ALG13: variants seen among roughly 807,000 people sequenced by gnomAD.
The protein encoded by ALG13 is UDP-N-acetylglucosamine transferase subunit ALG13.
Under a neutral mutation model 87.8 loss-of-function variants are expected in ALG13, and 11 were observed. The ratio of observed to expected loss-of-function variants is 0.13; its 90% CI spans 0.08 to 0.21. The LOEUF (loss-of-function observed/expected upper bound fraction) is 0.21. Ranked by LOEUF, ALG13 falls within the 10% of genes least tolerant of loss-of-function variation. ALG13 has a pLI of 1.00. For synonymous variants in ALG13, 320 were observed against 306.3 expected, an observed-to-expected ratio of 1.04 and a Z score of -0.47; for missense variants, 756 against 866.1, an observed-to-expected ratio of 0.87 and a Z score of 1.60.
chrX:111,751,482 C>T (rs886954340), intron 24 of ALG13, among the ~76,000 whole-genome samples: 1 of 111,843 alleles, frequency 8.9e-6, no homozygotes, highest in African/African-American at 3.2e-5. Flanking sequence ...ATGATATCTC[C>T]AAAGTATGTC....
intron 10 of ALG13, 143 bp downstream of exon 10, chrX:111,718,417 G>T (rs893328874): frequency 1.9e-6 from 1 of 513,255 alleles, no homozygotes; most frequent in South Asian, 4.5e-5. Context: ...TATTTTTAAT[G>T]GGGGGAGAGT....
chrX:111,728,086 G>A (rs1354734193), intron 18 of ALG13, 99 bp from the exon 19 acceptor site: 18 of 1,064,574 alleles, frequency 1.7e-5, no homozygotes, highest in Non-Finnish European at 2.1e-5. Flanking sequence ...AGTTCACATT[G>A]TTAGGCTAGT....
chrX:111,695,201 G>T (rs1355688553), intron 3 of ALG13, among the ~76,000 whole-genome samples: 1 of 111,448 alleles, frequency 9.0e-6, no homozygotes, highest in Non-Finnish European at 1.9e-5. Flanking sequence ...TCTCTAGACT[G>T]ATCAGACACT....
chrX:111,728,122 C>G, intron 18 of ALG13, 63 bp from the exon 19 acceptor site: 1 of 1,200,998 alleles, frequency 8.3e-7, no homozygotes, highest in Non-Finnish European at 1.1e-6. Context: ...TAAAACATCC[C>G]TCTAGCTTTT....
intron 3 of ALG13, among the ~76,000 whole-genome samples, chrX:111,692,310 T>G (rs910952252): frequency 8.9e-6 from 1 of 112,024 alleles, no homozygotes; most frequent in Non-Finnish European, 1.9e-5. Context: ...AGAATCTACC[T>G]TTTGTATCAG....
At chrX:111,702,611 C>A (rs1199055594) in intron 3 of ALG13, among the ~76,000 whole-genome samples, 1 of 110,978 alleles carries the variant, frequency 9.0e-6, no homozygotes, top group East Asian at 2.8e-4. Context: ...CACTGGAGTT[C>A]TCTGTCCTAT....
chrX:111,695,072 TACTC>T (rs1049069929), intron 3 of ALG13, among the ~76,000 whole-genome samples: 3 of 112,262 alleles, frequency 2.7e-5, no homozygotes, highest in African/African-American at 9.7e-5. Flanking sequence ...TTTAAACTCA[TACTC>T]AGTTTCTAAT....
At chrX:111,719,881 C>T (rs1941190677) in intron 10 of ALG13, among the ~76,000 whole-genome samples, 1 of 111,848 alleles carries the variant, frequency 8.9e-6, no homozygotes, top group Non-Finnish European at 1.9e-5. Flanking sequence ...TGTGTTCTCA[C>T]AGGAGTTGTA....
rs192569235 is a variant in ALG13 at position 111,756,344 on chromosome X, G to A, written c.2974-1244G>A. Among the ~76,000 whole-genome samples, 17 of 111,401 alleles carry A rather than the reference G, an allele frequency of 1.5e-4. No individual in the cohort carries two copies. The East Asian group carries it at 4.8e-3, about 32-fold the overall frequency. ...ATTGATGGGTGTAGAAAACCACCATGGCACATGTATACCCATGTAACAAAC... is the reference window on the plus strand; with the variant it reads ...ATTGATGGGTGTAGAAAACCACCATAGCACATGTATACCCATGTAACAAAC... On this transcript the variant is annotated intron_variant, in intron 25 of 26. Coordinates refer to ENST00000394780, the MANE Select transcript of ALG13 (RefSeq NM_001099922.3).
intron 3 of ALG13, among the ~76,000 whole-genome samples, chrX:111,704,634 A>C (rs993485443): frequency 8.9e-6 from 1 of 111,755 alleles, no homozygotes; most frequent in African/African-American, 3.3e-5. Context: ...GAATATGGAA[A>C]TCTATAGATT....
At chrX:111,690,114 G>A in intron 3 of ALG13, 1 of 750,304 alleles carries the variant, frequency 1.3e-6, no homozygotes, top group Non-Finnish European at 1.6e-6. Context: ...GAGGAAACAT[G>A]CTAAATTAAT....
chrX:111,760,103 A>C lies in ALG13; in HGVS notation c.*104A>C. On this transcript the variant is annotated 3_prime_UTR_variant, in exon 27 of 27. Transcript: ENST00000394780. ...TAAATGATTTAGGTGATTAGTGTTT[A>C]CTATTGTATTTGTCTTTAAAATTAT... is the stretch of plus-strand genomic sequence containing the variant. 1 of 829,334 alleles carries C rather than the reference A, an allele frequency of 1.2e-6. No homozygotes were observed. The highest frequency in any genetic ancestry group is 1.7e-6 in the Non-Finnish European group (1 of 604,001). The allele number at this position is 829,334 out of a possible 1,213,427, so 68.3% of individuals were successfully genotyped here. A position where few individuals can be genotyped will look rare whatever the true frequency, so the allele number is the denominator to read the frequency against.
At chrX:111,706,062 T>C (rs890746661) in intron 3 of ALG13, among the ~76,000 whole-genome samples, 1 of 111,894 alleles carries the variant, frequency 8.9e-6, no homozygotes, top group Non-Finnish European at 1.9e-5. Flanking sequence ...ATAATCCCTT[T>C]TTTTTTTTTT....
chrX:111,697,237 G>A lies in ALG13; in HGVS notation c.384-10790G>A, dbSNP rs1295513039. 5.4e-5 allele frequency among the ~76,000 whole-genome samples: 6 copies of A among 111,611 alleles called. No homozygotes were observed. The Admixed American group carries it at 5.7e-4, about 11-fold the overall frequency. On this transcript the variant is annotated intron_variant, in intron 3 of 26. Transcript: ENST00000394780. ...ATAAAGGCTAGGTCAAAAATGTGAA[G>A]CATTTACTATAAGCATTCCTTAGGA...
intron 25 of ALG13, among the ~76,000 whole-genome samples, chrX:111,756,141 C>T (rs933997135): frequency 5.4e-5 from 6 of 111,713 alleles, no homozygotes; most frequent in Middle Eastern, 4.6e-3. Flanking sequence ...GGCAACCATT[C>T]TCAGCAAACT....
At chrX:111,741,879 A>C (rs745890942) in intron 23 of ALG13, among the ~76,000 whole-genome samples, 1 of 111,456 alleles carries the variant, frequency 9.0e-6, no homozygotes, top group South Asian at 3.7e-4. Context: ...TAATGATGAT[A>C]TATTTTTTTC....
chrX:111,730,267 T>G (rs947610312), intron 19 of ALG13, 128 bp from the exon 20 acceptor site: 11 of 520,592 alleles, frequency 2.1e-5, no homozygotes, highest in Non-Finnish European at 3.6e-5. Context: ...CTTTTCAGGA[T>G]GTATGCATTT....
intron 8 of ALG13, among the ~76,000 whole-genome samples, chrX:111,713,960 T>C (rs1940192012): frequency 8.9e-6 from 1 of 111,884 alleles, no homozygotes; most frequent in Non-Finnish European, 1.9e-5. Context: ...TAGTGAAATA[T>C]AGACTACACA....
chrX:111,744,536 GT>G (rs1414232483), intron 23 of ALG13, 131 bp from the exon 24 acceptor site: 18 of 720,293 alleles, frequency 2.5e-5, no homozygotes, highest in Non-Finnish European at 3.3e-5. Context: ...CACTGTCCAA[GT>G]TTTTTTTATA....
Sources: allele counts gnomAD v4.1 joint callset (sites outside exome capture counted in the v4.1 genomes callset), GRCh38; gene constraint gnomAD v4.1.1; transcripts MANE v1.5; gene names NCBI Gene and HGNC (gene_info 2026-07-23, HGNC 2026-07-21).